SIM1: variants seen among roughly 807,000 people sequenced by gnomAD.
SIM1 encodes the protein single-minded homolog 1.
A neutral mutation model predicts 78.2 loss-of-function variants in SIM1; 18 were observed. The ratio of observed to expected loss-of-function variants is 0.23; its 90% CI spans 0.16 to 0.34. SIM1 has a LOEUF of 0.34. Among genes scored for constraint, SIM1 ranks in the 10% least tolerant of loss-of-function variants. SIM1 has a pLI of 1.00. For synonymous variants in SIM1, 417 were observed against 385.2 expected, an observed-to-expected ratio of 1.08 and a Z score of -0.97; for missense variants, 939 against 975.1, an observed-to-expected ratio of 0.96 and a Z score of 0.49.
At chr6:100,441,962 C>T (rs1433671412) in intron 9 of SIM1, among the ~76,000 whole-genome samples, 1 of 152,194 alleles carries the variant, frequency 6.6e-6, no homozygotes, top group Non-Finnish European at 1.5e-5. Flanking sequence ...CACCCCTATA[C>T]ACAGAGAACA....
chr6:100,413,966 T>C (rs1347843520), intron 10 of SIM1, among the ~76,000 whole-genome samples: 2 of 152,214 alleles, frequency 1.3e-5, no homozygotes, highest in Non-Finnish European at 2.9e-5. Context: ...TCAGCAAGAT[T>C]GTGTGTCCTT....
chr6:100,439,823 G>A (rs969758575), intron 9 of SIM1, among the ~76,000 whole-genome samples: 3 of 152,066 alleles, frequency 2.0e-5, no homozygotes, highest in Non-Finnish European at 2.9e-5. Flanking sequence ...CTAGCACAAA[G>A]AAAGTGCTCA....
chr6:100,413,611 C>A (rs907205214), intron 10 of SIM1, among the ~76,000 whole-genome samples: 1 of 152,048 alleles, frequency 6.6e-6, no homozygotes, highest in African/African-American at 2.4e-5. Flanking sequence ...ATTAGGAATG[C>A]ATTCTAAATG....
chr6:100,411,462 T>C (rs1771189228), intron 10 of SIM1, among the ~76,000 whole-genome samples: 1 of 152,214 alleles, frequency 6.6e-6, no homozygotes. Flanking sequence ...TATTACACAA[T>C]GTGGCATTTG....
intron 10 of SIM1, among the ~76,000 whole-genome samples, chr6:100,404,425 A>G (rs1771003061): frequency 6.6e-6 from 1 of 152,110 alleles, no homozygotes; most frequent in African/African-American, 2.4e-5. Context: ...AAAAACTTTC[A>G]CTCTATCAGG....
chr6:100,422,097 CTTTTAT>C (rs1771603907), intron 9 of SIM1, among the ~76,000 whole-genome samples: 1 of 152,128 alleles, frequency 6.6e-6, no homozygotes, highest in Admixed American at 6.6e-5. Flanking sequence ...CCACTGGCTT[CTTTTAT>C]TTTTCTTATT....
intron 2 of SIM1, among the ~76,000 whole-genome samples, chr6:100,459,035 G>A (rs1249585828): frequency 2.0e-5 from 3 of 152,198 alleles, no homozygotes; most frequent in Non-Finnish European, 4.4e-5. Context: ...GAATCTATGG[G>A]CTCTCATTCT....
intron 9 of SIM1, among the ~76,000 whole-genome samples, chr6:100,422,062 C>T (rs1457925075): frequency 2.6e-5 from 4 of 152,272 alleles, no homozygotes; most frequent in East Asian, 1.9e-4. Context: ...AAAGTCCTCA[C>T]GGCATGCACT....
intron 10 of SIM1, among the ~76,000 whole-genome samples, chr6:100,409,990 T>G (rs1258502307): frequency 6.6e-6 from 1 of 152,182 alleles, no homozygotes; most frequent in Non-Finnish European, 1.5e-5. Flanking sequence ...GAGAAAAATG[T>G]ATGTTCTGCG....
intron 9 of SIM1, among the ~76,000 whole-genome samples, chr6:100,431,532 T>C (rs569820983): frequency 1.3e-5 from 2 of 152,356 alleles, no homozygotes; most frequent in South Asian, 4.1e-4. Flanking sequence ...ATTCAGACAT[T>C]ATTTTAAATT....
intron 10 of SIM1, among the ~76,000 whole-genome samples, chr6:100,414,415 C>T (rs74877761): frequency 0.024 from 3,682 of 152,264 alleles, 143 homozygotes; most frequent in African/African-American, 0.084. Flanking sequence ...ACTACAGAGG[C>T]CTCACCCCAC....
At chr6:100,454,426 A>G (rs1028912786) in intron 2 of SIM1, among the ~76,000 whole-genome samples, 2 of 152,076 alleles carry the variant, frequency 1.3e-5, no homozygotes, top group African/African-American at 4.8e-5. Context: ...TTCCAGCCTG[A>G]CGTTTACCAG....
Position 100,390,497 on chromosome 6 carries a change from T to C in SIM1, c.2165A>G (p.Tyr722Cys), listed in dbSNP as rs752203293. The C allele has an allele frequency of 1.7e-5, 27 of 1,614,046 alleles. 1 individual carries two copies. The South Asian group carries it at 2.3e-4, about 14-fold the overall frequency. Reference sequence around the variant, plus strand: ...ATAGTTTCTAATGGTTTCGCTGTCATATAAGTGCTCCAGGGCATATCCAGT... The same window carrying C: ...ATAGTTTCTAATGGTTTCGCTGTCACATAAGTGCTCCAGGGCATATCCAGT... ...TLTGYALEHL[Y>C]DSETIRNYSL... Residue 722 changes from tyrosine to cysteine, a missense_variant, in exon 12 of 12, where the codon TAT (tyrosine) becomes TGT (cysteine). Coordinates refer to ENST00000369208, the MANE Select transcript of SIM1 (RefSeq NM_005068.3).
chr6:100,439,695 C>T (rs1772155456), intron 9 of SIM1, among the ~76,000 whole-genome samples: 1 of 152,164 alleles, frequency 6.6e-6, no homozygotes, highest in Admixed American at 6.5e-5. Context: ...TAAATTATAA[C>T]TATTGGTAAA....
intron 10 of SIM1, among the ~76,000 whole-genome samples, chr6:100,402,666 C>T (rs1183350737): frequency 6.7e-6 from 1 of 149,824 alleles, no homozygotes; most frequent in Non-Finnish European, 1.5e-5. Flanking sequence ...CAAGCTCCGC[C>T]TCCCGGGTTC....
intron 10 of SIM1, among the ~76,000 whole-genome samples, chr6:100,398,614 T>C (rs1382611708): frequency 6.6e-6 from 1 of 152,124 alleles, no homozygotes; most frequent in Non-Finnish European, 1.5e-5. Flanking sequence ...AAAATTTCCA[T>C]CCTTTTTAAA....
At chr6:100,418,686 C>T (rs1373462356) in intron 10 of SIM1, among the ~76,000 whole-genome samples, 1 of 152,112 alleles carries the variant, frequency 6.6e-6, no homozygotes, top group Non-Finnish European at 1.5e-5. Context: ...AGACAAACTC[C>T]TTCTACTTAG....
intron 10 of SIM1, among the ~76,000 whole-genome samples, chr6:100,412,682 AAAAAGAAAG>A: frequency 8.4e-6 from 1 of 118,364 alleles, no homozygotes; most frequent in African/African-American, 3.3e-5. Flanking sequence ...AGAAAGAAAG[AAAAAGAAAG>A]AAAGAAAGAA....
chr6:100,456,214 C>T (rs1324141856), intron 2 of SIM1, among the ~76,000 whole-genome samples: 1 of 152,170 alleles, frequency 6.6e-6, no homozygotes, highest in Non-Finnish European at 1.5e-5. Flanking sequence ...GGAACCTCCC[C>T]AAGTCCTAGT....
Sources: gnomAD v4.1 joint callset for allele counts (sites outside exome capture counted in the v4.1 genomes callset) on GRCh38, gnomAD v4.1.1 for gene constraint, MANE v1.5 for transcripts, NCBI Gene and HGNC (gene_info 2026-07-23, HGNC 2026-07-21) for gene names.